ANKRD18A: variants seen among roughly 807,000 people sequenced by gnomAD.
ANKRD18A encodes the protein ankyrin repeat domain-containing protein 18A.
Under a neutral mutation model 110.6 loss-of-function variants are expected in ANKRD18A, and 72 were observed. The observed-to-expected ratio is 0.65, with a 90% CI of 0.54 to 0.79. The LOEUF is 0.79. Among genes scored for constraint, ANKRD18A ranks in the 30% least tolerant of loss-of-function variants. ANKRD18A has a pLI of 0.00. For synonymous variants in ANKRD18A, 305 were observed against 410.3 expected (o/e 0.74, Z 3.10); for missense variants, 934 against 1,163.3 (o/e 0.80, Z 2.87).
chr9:38,586,222 T>G lies in ANKRD18A; in HGVS notation c.2208A>C (p.Gln736His). ...FSCHGDLNTD[Q>H]LKMDILFKKL... Reference sequence around the variant, plus strand: ...TCTTAAACAGAATATCCATTTTCAGTTGGTCTGTATTTAAGTCTCCATGGC... The same window carrying G: ...TCTTAAACAGAATATCCATTTTCAGGTGGTCTGTATTTAAGTCTCCATGGC... The change falls in exon 12 of 16, where the codon CAA (glutamine) becomes CAC (histidine). Residue 736 changes from glutamine (Q) to histidine (H), a missense_variant. Coordinates refer to ENST00000399703, the MANE Select transcript of ANKRD18A (RefSeq NM_147195.4). The G allele has an allele frequency of 6.2e-7, 1 of 1,610,250 alleles. No homozygotes were observed. The highest frequency in any genetic ancestry group is 8.5e-7 in the Non-Finnish European group (1 of 1,178,572).
At chr9:38,566,188 C>T in the ANKRD18A span, 6 of 152,268 alleles carry the variant, frequency 3.9e-5, no homozygotes, top group Admixed American at 6.5e-5. Context: ...GTCCTTTTCA[C>T]ATTGCAAAAT....
Position 38,575,490 on chromosome 9 carries a change from T to C in ANKRD18A, c.2950A>G (p.Asn984Asp). The C allele has an allele frequency of 6.4e-7, 1 of 1,551,308 alleles. No homozygotes were observed. The highest frequency in any genetic ancestry group is 8.7e-7 in the Non-Finnish European group (1 of 1,146,758). Residue 984 changes from asparagine to aspartate, a missense_variant, in exon 15 of 16, where the codon AAC (asparagine) becomes GAC (aspartate). By Grantham distance (23) the Asn-to-Asp change is conservative. Transcript: ENST00000399703. The stretch of plus-strand genomic sequence containing the variant: ...ATATAACTAACCTCAGTCAAGAAGT[T>C]CTTGCAGTTATTTGAAGTCTGTGGG... ...SNPQTSNNCKNFLTEVLLC is the reference protein window; with the variant it reads ...SNPQTSNNCKDFLTEVLLC
chr9:38,616,059 G>A lies in ANKRD18A; in HGVS notation c.207-15C>T, dbSNP rs769615269. The A allele has an allele frequency of 6.6e-6, 10 of 1,521,812 alleles. No individual in the cohort carries two copies. Among genetic ancestry groups the A allele is most frequent in the Admixed American group, 2.3e-5 (1 of 43,910 alleles). The allele number at this position is 1,521,812 out of a possible 1,614,324, so 94.3% of individuals were successfully genotyped here. ...GTAGAACAGTCCTAGGAGAGCGAGA[G>A]GGGTTTTCAGGAAATGTAGTGCAAT... is the stretch of plus-strand genomic sequence containing the variant. On this transcript the variant is annotated splice_polypyrimidine_tract_variant and intron_variant, in intron 1 of 15. Transcript: ENST00000399703.
chr9:38,615,111 C>G (rs993348922), intron 3 of ANKRD18A, among the ~76,000 whole-genome samples: 1 of 152,168 alleles, frequency 6.6e-6, no homozygotes, highest in African/African-American at 2.4e-5. Flanking sequence ...CCCTCATTAC[C>G]TAATTTCCAA....
In ANKRD18A at chr9:38,620,222, C is replaced by G; in HGVS notation, c.64G>C (p.Glu22Gln). The change falls in exon 1 of 16, where the codon GAG (glutamate) becomes CAG (glutamine). Residue 22 changes from glutamate (E) to glutamine (Q), a missense_variant. By Grantham distance (29) the Glu-to-Gln change is conservative. Around this residue, in one of 4 missense-constraint regions of ANKRD18A, gnomAD observed 630 missense variants for 797.5 expected, o/e 0.79. Transcript: ENST00000399703. Reference sequence around the variant, plus strand: ...ATGTCGTAACCCGGACCCGCATACTCTTGGTCCATGGAGCTCAGGAGCGCC... The same window carrying G: ...ATGTCGTAACCCGGACCCGCATACTGTTGGTCCATGGAGCTCAGGAGCGCC... Reference protein sequence around the residue: ...GQALLSSMDQEYAGPGYDIRD... With the variant: ...GQALLSSMDQQYAGPGYDIRD... 1 of 1,551,916 alleles carries G rather than the reference C, an allele frequency of 6.4e-7. No homozygotes were observed. The highest frequency in any genetic ancestry group is 8.7e-7 in the Non-Finnish European group (1 of 1,147,086).
intron 13 of ANKRD18A, 81 bp downstream of exon 13, chr9:38,577,786 A>G: frequency 6.9e-7 from 1 of 1,456,826 alleles, no homozygotes; most frequent in African/African-American, 1.4e-5. Context: ...GAAACACAAT[A>G]TATACATATC....
At position 38,620,200 on chromosome 9, in the gene ANKRD18A, T is replaced by C; in HGVS notation, c.86A>G (p.Asp29Gly). ...MDQEYAGPGY[D>G]IRDWELRKIH... ...CTTCCGCAGTTCCCAGTCCCGAATGTCGTAACCCGGACCCGCATACTCTTG... is the reference window on the plus strand; with the variant it reads ...CTTCCGCAGTTCCCAGTCCCGAATGCCGTAACCCGGACCCGCATACTCTTG... The change falls in exon 1 of 16, where the codon GAC becomes GGC. Residue 29 changes from aspartate to glycine, a missense_variant. Physicochemically the swap from Asp to Gly is moderately conservative, Grantham distance 94. Transcript: ENST00000399703. The C allele has an allele frequency of 6.4e-7, 1 of 1,553,798 alleles. No individual in the cohort carries two copies. The highest frequency in any genetic ancestry group is 1.2e-5 in the South Asian group (1 of 84,168).
chr9:38,570,056 A>G (rs1479968480), downstream of ANKRD18A, among the ~76,000 whole-genome samples: 2 of 152,138 alleles, frequency 1.3e-5, no homozygotes. Context: ...GAGGTCACAC[A>G]TCGGCTAACT....
In ANKRD18A at chr9:38,583,925, T is replaced by C. The variant is rs558029282; in HGVS notation, c.2247+2258A>G. Among the ~76,000 whole-genome samples, 13 of 152,264 alleles carry C rather than the reference T, an allele frequency of 8.5e-5. No individual in the cohort carries two copies. In the East Asian group the frequency reaches 2.5e-3, roughly 30 times the overall value. On this transcript the variant is annotated intron_variant, in intron 12 of 15. Coordinates refer to ENST00000399703, the MANE Select transcript of ANKRD18A (RefSeq NM_147195.4). ...TGTCTACACCAGATAAAACGTCCGGTGCAGATAAGGGAACCTGCACAGGGG... is the reference window on the plus strand; with the variant it reads ...TGTCTACACCAGATAAAACGTCCGGCGCAGATAAGGGAACCTGCACAGGGG...
At chr9:38,597,840 A>T (rs1376373782) in intron 8 of ANKRD18A, among the ~76,000 whole-genome samples, 1 of 152,196 alleles carries the variant, frequency 6.6e-6, no homozygotes, top group African/African-American at 2.4e-5. Context: ...GAGTTACGCT[A>T]CTTATATGAT....
At position 38,596,133 on chromosome 9, in the gene ANKRD18A, A is replaced by T; in HGVS notation, c.1207T>A (p.Ser403Thr). 6.4e-7 allele frequency: 1 copy of T among 1,550,662 alleles called. No homozygotes were observed. The highest frequency in any genetic ancestry group is 8.7e-7 in the Non-Finnish European group (1 of 1,146,580). The change falls in exon 9 of 16, where the codon TCA (serine) becomes ACA (threonine). Residue 403 changes from serine to threonine, a missense_variant. Ser to Thr is a moderately conservative substitution (Grantham distance 58). This residue lies in a region of ANKRD18A where 630 missense variants were observed against 797.5 expected (regional missense o/e 0.79). Coordinates refer to ENST00000399703, the MANE Select transcript of ANKRD18A (RefSeq NM_147195.4). Reference sequence around the variant, plus strand: ...TTGTGTTTTTCCTTCTCCAATTCTGAATTCAGCCTTGCATTCTCAGCTTTC... The same window carrying T: ...TTGTGTTTTTCCTTCTCCAATTCTGTATTCAGCCTTGCATTCTCAGCTTTC... ...DLKAENARLN[S>T]ELEKEKHNKE...
intron 12 of ANKRD18A, 123 bp downstream of exon 12, chr9:38,586,060 C>T (rs1235064014): frequency 1.8e-6 from 2 of 1,088,750 alleles, no homozygotes; most frequent in African/African-American, 1.6e-5. Context: ...GGGCTTAATA[C>T]CTAGGTGATG....
intron 11 of ANKRD18A, among the ~76,000 whole-genome samples, chr9:38,588,298 A>G (rs1288417123): frequency 6.6e-6 from 1 of 152,060 alleles, no homozygotes; most frequent in Non-Finnish European, 1.5e-5. Context: ...TCTATTTTTC[A>G]TCACTTATTG....
chr9:38,612,188 T>C (rs1021518987), intron 3 of ANKRD18A, among the ~76,000 whole-genome samples: 9 of 152,182 alleles, frequency 5.9e-5, no homozygotes, highest in Non-Finnish European at 1.3e-4. Context: ...GAGGATAGAT[T>C]TTTATCTTAA....
In ANKRD18A at chr9:38,588,995, G is replaced by C. The variant is rs1020956632; in HGVS notation, c.2005-332C>G. ...CATTTTAGTTTTTAAAGATGCTCTA[G>C]AAACATTGTCATTAATAGTTTAAGA... On this transcript the variant is annotated intron_variant, in intron 10 of 15. Coordinates refer to ENST00000399703, the MANE Select transcript of ANKRD18A (RefSeq NM_147195.4). Among the ~76,000 whole-genome samples, 53 of 152,280 alleles carry C rather than the reference G, an allele frequency of 3.5e-4. 1 individual carries two copies. The highest frequency in any genetic ancestry group is 1.2e-3 in the African/African-American group (49 of 41,570).
At chr9:38,592,736 T>C (rs1162581064) in intron 10 of ANKRD18A, among the ~76,000 whole-genome samples, 2 of 152,086 alleles carry the variant, frequency 1.3e-5, no homozygotes, top group Non-Finnish European at 2.9e-5. Flanking sequence ...AAATAGACTA[T>C]TATTTGACAA....
chr9:38,605,765 C>T (rs1176393570), intron 6 of ANKRD18A, among the ~76,000 whole-genome samples: 3 of 152,036 alleles, frequency 2.0e-5, no homozygotes, highest in Non-Finnish European at 2.9e-5. Context: ...AGGTGCCCAC[C>T]CCCATGCCTG....
In ANKRD18A at chr9:38,610,341, T is replaced by G; in HGVS notation, c.672A>C (p.Ile224=). The change falls in exon 5 of 16, where the codon ATA becomes ATC. Residue 224 remains isoleucine (I), a synonymous_variant. Coordinates refer to ENST00000399703, the MANE Select transcript of ANKRD18A (RefSeq NM_147195.4). ...CAAACATGTCTTGAGAAGAGATACG[T>G]ATATTTTGTTGAAGCAGGAGGGTGA... ...SIVTLLLQQN[I]RISSQDMFGQ... is the part of the protein sequence containing the mutation. 1 of 1,551,324 alleles carries G rather than the reference T, an allele frequency of 6.4e-7. No homozygotes were observed. The highest frequency in any genetic ancestry group is 1.2e-5 in the South Asian group (1 of 83,922).
intron 10 of ANKRD18A, among the ~76,000 whole-genome samples, chr9:38,588,952 TAA>T (rs1397813084): frequency 2.0e-5 from 3 of 152,204 alleles, no homozygotes; most frequent in African/African-American, 7.2e-5. Flanking sequence ...TAAGATACAT[TAA>T]GAGTAGTAAT....
Sources: gnomAD v4.1 joint callset for allele counts (sites outside exome capture counted in the v4.1 genomes callset) on GRCh38, gnomAD v4.1.1 for gene constraint, gnomAD v4.1.1 regional missense constraint, MANE v1.5 for transcripts, NCBI Gene and HGNC (gene_info 2026-07-23, HGNC 2026-07-21) for gene names.